Variants in TACR1 observed in about 807,000 individuals in gnomAD.
TACR1 encodes the protein tachykinin receptor 1, also known as substance-P receptor.
A neutral mutation model predicts 35.8 loss-of-function variants in TACR1; 25 were observed. The ratio of observed to expected loss-of-function variants is 0.70; its 90% CI spans 0.51 to 0.98. The LOEUF is 0.98. Ranked by LOEUF, TACR1 falls within the 50% of genes least tolerant of loss-of-function variation. The pLI is 0.00. For missense variants in TACR1, 478 were observed against 522.9 expected (o/e 0.91, Z 0.84); for synonymous variants, 195 against 206.7 (o/e 0.94, Z 0.48).
intron 1 of TACR1, among the ~76,000 whole-genome samples, chr2:75,171,199 C>T (rs1329446424): frequency 2.0e-5 from 3 of 152,182 alleles, no homozygotes; most frequent in African/African-American, 7.2e-5. Context: ...AGTTGGTGCC[C>T]TGTGTTCCAG....
intron 1 of TACR1, among the ~76,000 whole-genome samples, chr2:75,140,616 T>C (rs1674382502): frequency 6.6e-6 from 1 of 152,230 alleles, no homozygotes; most frequent in African/African-American, 2.4e-5. Context: ...GAAGCCCTCC[T>C]TGAGGCCTTT....
chr2:75,097,776 C>G (rs1278889434), intron 2 of TACR1, among the ~76,000 whole-genome samples: 1 of 152,152 alleles, frequency 6.6e-6, no homozygotes, highest in Non-Finnish European at 1.5e-5. Flanking sequence ...TGATTTCTCT[C>G]CTCCCTAGGG....
intron 1 of TACR1, chr2:75,187,980 C>A (rs371909657): frequency 6.6e-6 from 1 of 152,140 alleles, no homozygotes; most frequent in Non-Finnish European, 1.5e-5. Flanking sequence ...GAGAAAAGAA[C>A]TTCAGGAACA....
chr2:75,076,515 C>G (rs1345304612), intron 2 of TACR1, among the ~76,000 whole-genome samples: 2 of 152,298 alleles, frequency 1.3e-5, no homozygotes, highest in South Asian at 2.1e-4. Flanking sequence ...TAGACTGATT[C>G]CACTGGCGGG....
chr2:75,057,191 G>A (rs1672585797), intron 2 of TACR1, among the ~76,000 whole-genome samples: 1 of 152,072 alleles, frequency 6.6e-6, no homozygotes, highest in Admixed American at 6.5e-5. Context: ...GTCTGTTCCT[G>A]CCTTAACTGA....
intron 1 of TACR1, among the ~76,000 whole-genome samples, chr2:75,134,905 A>G (rs927649486): frequency 6.6e-6 from 1 of 152,212 alleles, no homozygotes; most frequent in African/African-American, 2.4e-5. Context: ...TTGAGTGAGG[A>G]AAGACAAGGT....
intron 2 of TACR1, among the ~76,000 whole-genome samples, chr2:75,081,913 A>G (rs1329053539): frequency 6.7e-6 from 1 of 148,632 alleles, no homozygotes. Context: ...TTTTTTTTTT[A>G]AATATATATA....
At chr2:75,166,196 G>C (rs1014773125) in intron 1 of TACR1, among the ~76,000 whole-genome samples, 1 of 152,116 alleles carries the variant, frequency 6.6e-6, no homozygotes, top group African/African-American at 2.4e-5. Context: ...TAGTTTAGGG[G>C]AGAAAAACGT....
At chr2:75,144,968 A>T (rs1674474803) in intron 1 of TACR1, among the ~76,000 whole-genome samples, 1 of 152,118 alleles carries the variant, frequency 6.6e-6, no homozygotes, top group Non-Finnish European at 1.5e-5. Context: ...TAGGAGATAA[A>T]ATAGAGTATA....
Position 75,051,349 on chromosome 2 carries a change from G to T in TACR1, c.834C>A (p.Tyr278Ter). The stretch of plus-strand genomic sequence containing the variant: ...AGACCTGCTGGATAAACTTCTTCAG[G>T]TAGAGATCTGGGTTGATGTAGGGCA... ...FLLPYINPDLYLKKFIQQVYL... is the reference protein window; with the variant it reads ...FLLPYINPDL Residue 278 changes from tyrosine (Y) to a stop codon, truncating the protein, a stop_gained, in exon 4 of 5, where the codon TAC becomes TAA. Transcript: ENST00000305249. LOFTEE classifies it high-confidence loss of function. 1 of 1,614,196 alleles carries T rather than the reference G, an allele frequency of 6.2e-7. No individual in the cohort carries two copies. Among genetic ancestry groups the T allele is most frequent in the Non-Finnish European group, 8.5e-7 (1 of 1,180,036 alleles).
At chr2:75,061,987 A>T (rs528867339) in intron 2 of TACR1, among the ~76,000 whole-genome samples, 2 of 152,334 alleles carry the variant, frequency 1.3e-5, no homozygotes, top group South Asian at 4.1e-4. Flanking sequence ...TTCTAGGCAG[A>T]GCCCATGTGG....
intron 2 of TACR1, among the ~76,000 whole-genome samples, chr2:75,055,530 A>G (rs941565939): frequency 3.3e-5 from 5 of 152,174 alleles, no homozygotes; most frequent in Non-Finnish European, 7.3e-5. Flanking sequence ...ATGTTTGGAG[A>G]CTACAGGGGC....
intron 1 of TACR1, among the ~76,000 whole-genome samples, chr2:75,139,599 T>G (rs966459500): frequency 6.6e-6 from 1 of 152,172 alleles, no homozygotes; most frequent in African/African-American, 2.4e-5. Context: ...GGTCTCTACA[T>G]AGAGAATTAG....
At chr2:75,100,568 C>T (rs1271650202) in intron 2 of TACR1, among the ~76,000 whole-genome samples, 1 of 152,184 alleles carries the variant, frequency 6.6e-6, no homozygotes, top group African/African-American at 2.4e-5. Flanking sequence ...ATGAATGGCA[C>T]TGTGGATTTA....
chr2:75,077,809 G>A, intron 2 of TACR1, among the ~76,000 whole-genome samples: 1 of 152,200 alleles, frequency 6.6e-6, no homozygotes, highest in Middle Eastern at 3.4e-3. Context: ...ATAAGGGAAG[G>A]CCCCCAGGAA....
intron 1 of TACR1, among the ~76,000 whole-genome samples, chr2:75,192,648 A>C (rs1675876790): frequency 6.6e-6 from 1 of 152,288 alleles, no homozygotes; most frequent in East Asian, 1.9e-4. Context: ...AAAAGCCACC[A>C]AGTGCAGGAG....
At chr2:75,051,513 T>C (rs1190010245) in intron 3 of TACR1, 66 bp from the exon 4 acceptor site, 29 of 1,590,290 alleles carry the variant, frequency 1.8e-5, no homozygotes, top group Non-Finnish European at 2.1e-5. Context: ...GCTTCCTCTC[T>C]CCTCCCACGC....
intron 1 of TACR1, among the ~76,000 whole-genome samples, chr2:75,168,160 A>G (rs1423731570): frequency 6.6e-6 from 1 of 152,230 alleles, no homozygotes; most frequent in Non-Finnish European, 1.5e-5. Context: ...TATTTTAAAA[A>G]TCTCTAAACA....
At chr2:75,140,915 T>C (rs1464314109) in intron 1 of TACR1, among the ~76,000 whole-genome samples, 3 of 152,218 alleles carry the variant, frequency 2.0e-5, no homozygotes, top group Non-Finnish European at 4.4e-5. Context: ...CTATCCATGA[T>C]ACGTGAGAAT....
Sources: allele counts gnomAD v4.1 joint callset (sites outside exome capture counted in the v4.1 genomes callset), GRCh38; gene constraint gnomAD v4.1.1; transcripts MANE v1.5; gene names NCBI Gene and HGNC (gene_info 2026-07-23, HGNC 2026-07-21).